HIVEP3: variants seen among roughly 807,000 people sequenced by gnomAD.
HIVEP3 encodes HIVEP zinc finger 3.
In HIVEP3, 49 loss-of-function variants were observed where a neutral mutation model predicts 152.8. That is an observed-to-expected ratio of 0.32 (90% CI 0.26 to 0.41). The LOEUF (loss-of-function observed/expected upper bound fraction) is 0.41. HIVEP3 is among the 10% of genes least tolerant of loss of function. The probability of loss-of-function intolerance (pLI) is 1.00; values close to 1 mark genes in which losing one functional copy is unlikely to be tolerated. For missense variants in HIVEP3, 2,790 were observed against 3,103.3 expected (o/e 0.90, Z 2.40); for synonymous variants, 1,269 against 1,289.0 (o/e 0.98, Z 0.33).
chr1:41,628,289 C>T (rs1286847606), intron 3 of HIVEP3, among the ~76,000 whole-genome samples: 1 of 152,172 alleles, frequency 6.6e-6, no homozygotes, highest in African/African-American at 2.4e-5. Flanking sequence ...GTCTCTAACT[C>T]CCGTGGTGCT....
Position 41,997,196 on chromosome 1 carries a change from G to C in HIVEP3, n.119+38611C>G, listed in dbSNP as rs80189737. Among the ~76,000 whole-genome samples the C allele has an allele frequency of 2.9e-3, 443 of 152,334 alleles. 1 individual carries two copies. The highest frequency in any genetic ancestry group is 0.01 in the African/African-American group (425 of 41,576). ...AGCATAGCATCATGTCCACAGTAAA[G>C]ACTGGTCAAAATTGTCACAGCCAGC... is the stretch of plus-strand genomic sequence containing the variant. On this transcript the variant is annotated intron_variant and non_coding_transcript_variant, in intron 1 of 3. Coordinates refer to the HIVEP3 transcript ENST00000489103.
At position 41,582,926 on chromosome 1, in the gene HIVEP3, C is replaced by G; in HGVS notation, c.1872G>C (p.Lys624Asn). 1 of 1,614,052 alleles carries G rather than the reference C, an allele frequency of 6.2e-7. No homozygotes were observed. The highest frequency in any genetic ancestry group is 8.5e-7 in the Non-Finnish European group (1 of 1,180,018). ...TGGTCTTTTTGGTAAGCTCGCTTTC[C>G]TTGGGTTCCACTTCGTCCGAGGGCT... ...ASKPSDEVEP[K>N]ESELTKKTKK... is the part of the protein sequence containing the mutation. The change falls in exon 4 of 9, where the codon AAG becomes AAC. Residue 624 changes from lysine to asparagine, a missense_variant. This residue lies in a region of HIVEP3 where 339 missense variants were observed against 327.0 expected (regional missense o/e 1.04). Coordinates refer to ENST00000372583, the MANE Select transcript of HIVEP3 (RefSeq NM_024503.5). This position sits in a 1 kb window ranked among gnomAD's most constrained non-coding sequence, Gnocchi z 4.7.
chr1:41,528,427 C>T (rs1209736141), intron 5 of HIVEP3, among the ~76,000 whole-genome samples: 1 of 139,290 alleles, frequency 7.2e-6, no homozygotes, highest in Admixed American at 7.1e-5. Context: ...TGCCCTCACA[C>T]CCTCAGACTC....
At chr1:41,757,528 C>T (rs12722771) in intron 1 of HIVEP3, among the ~76,000 whole-genome samples, 10 of 151,434 alleles carry the variant, frequency 6.6e-5, no homozygotes, top group Non-Finnish European at 1.2e-4. Flanking sequence ...CATGCCACTG[C>T]GCTCCAGCCT....
chr1:41,534,803 G>A (rs563717736), intron 5 of HIVEP3, among the ~76,000 whole-genome samples: 20 of 152,312 alleles, frequency 1.3e-4, no homozygotes, highest in African/African-American at 4.6e-4. Context: ...CAAAGGAGGC[G>A]GGACACAGGC....
Position 41,628,855 on chromosome 1 carries a change from C to T in HIVEP3, c.-628G>A. 8.1e-7 allele frequency: 1 copy of T among 1,232,134 alleles called. No homozygotes were observed. Among genetic ancestry groups the T allele is most frequent in the Non-Finnish European group, 1.0e-6 (1 of 987,968 alleles). 76.3% of individuals were successfully genotyped at this position (1,232,134 alleles called of 1,614,324 possible). A position where few individuals can be genotyped will look rare whatever the true frequency, so the allele number is the denominator to read the frequency against. ...GCAGCCACCCTCCACCTAGGCGCCG[C>T]TCTTCCCACCAGAGGGGCGGGCTTG... On this transcript the variant is annotated 5_prime_UTR_variant, in exon 3 of 9. Transcript: ENST00000372583.
intron 3 of HIVEP3, among the ~76,000 whole-genome samples, chr1:41,625,062 C>T (rs1199502908): frequency 7.0e-6 from 1 of 143,818 alleles, no homozygotes; most frequent in Admixed American, 7.4e-5. Context: ...ATTTGGGAGG[C>T]TGAGGCAGGA....
chr1:41,656,214 C>T (rs1008116141), intron 2 of HIVEP3, among the ~76,000 whole-genome samples: 3 of 152,090 alleles, frequency 2.0e-5, no homozygotes, highest in Non-Finnish European at 4.4e-5. Context: ...TGGTAAAATC[C>T]CCACAGCCCC....
chr1:41,701,811 A>C (rs966006407), intron 1 of HIVEP3, among the ~76,000 whole-genome samples: 3 of 152,216 alleles, frequency 2.0e-5, no homozygotes, highest in Non-Finnish European at 2.9e-5. Flanking sequence ...TTTGAGACAT[A>C]TTATTTATGT....
At chr1:41,587,791 A>AC (rs975330914) in intron 3 of HIVEP3, among the ~76,000 whole-genome samples, 5 of 151,804 alleles carry the variant, frequency 3.3e-5, no homozygotes, top group South Asian at 2.1e-4. Context: ...GTGCCTCTTG[A>AC]CCCCCCAGCC....
chr1:41,967,365 G>A (rs990472724), intron 1 of HIVEP3, among the ~76,000 whole-genome samples: 6 of 152,090 alleles, frequency 3.9e-5, no homozygotes, highest in South Asian at 2.1e-4. Context: ...AGATCATAGC[G>A]CCATCAAATT....
chr1:41,778,658 A>G (rs1648858516), intron 1 of HIVEP3, among the ~76,000 whole-genome samples: 1 of 152,170 alleles, frequency 6.6e-6, no homozygotes, highest in Non-Finnish European at 1.5e-5. Context: ...ATTGGGCAGG[A>G]CTATGAGCCA....
intron 1 of HIVEP3, among the ~76,000 whole-genome samples, chr1:41,815,756 T>G (rs907903506): frequency 2.2e-5 from 3 of 139,110 alleles, no homozygotes; most frequent in Admixed American, 9.4e-5. Flanking sequence ...TTTTATTGTT[T>G]TTTTTTTTTT....
chr1:41,809,059 T>A (rs1650795838), intron 1 of HIVEP3, among the ~76,000 whole-genome samples: 1 of 152,254 alleles, frequency 6.6e-6, no homozygotes, highest in Non-Finnish European at 1.5e-5. Flanking sequence ...GCCAGGTCTG[T>A]CTGCCTCTGG....
At chr1:41,824,188 G>A (rs1397239776) in intron 1 of HIVEP3, among the ~76,000 whole-genome samples, 3 of 151,996 alleles carry the variant, frequency 2.0e-5, no homozygotes, top group South Asian at 2.1e-4. Context: ...CTGGTCCCAG[G>A]ATACACCAAG....
At chr1:41,922,182 T>C (rs920342262), upstream of HIVEP3, among the ~76,000 whole-genome samples, 3 of 152,242 alleles carry the variant, frequency 2.0e-5, no homozygotes, top group African/African-American at 4.8e-5. Context: ...CACTTCCAGA[T>C]GTACTCTGAT....
chr1:41,657,228 G>A (rs958283734), intron 2 of HIVEP3, among the ~76,000 whole-genome samples: 2 of 152,184 alleles, frequency 1.3e-5, no homozygotes, highest in African/African-American at 2.4e-5. Flanking sequence ...TGACCCACAC[G>A]GTGGCCTCAG....
chr1:41,514,694 A>ACTT (rs1349710505), intron 7 of HIVEP3, among the ~76,000 whole-genome samples: 1 of 152,186 alleles, frequency 6.6e-6, no homozygotes, highest in African/African-American at 2.4e-5. Flanking sequence ...CTGAATGCCC[A>ACTT]CTTTTGTCCA....
Position 41,510,798 on chromosome 1 carries a change from T to C in HIVEP3, c.6874A>G (p.Thr2292Ala). ...GCAGGTGCCCCGGTCCCATGGGGTG[T>C]CCAGTCAGGAGGCCTGCCCGGGCCT... ...GGGPGRPPDW[T>A]PHGTGAPAEP... is the part of the protein sequence containing the mutation. The change falls in exon 9 of 9, where the codon ACA becomes GCA. Residue 2292 changes from threonine (T) to alanine (A), a missense_variant. Transcript: ENST00000372583. The C allele has an allele frequency of 6.2e-7, 1 of 1,611,174 alleles. No individual in the cohort carries two copies. Among genetic ancestry groups the C allele is most frequent in the Non-Finnish European group, 8.5e-7 (1 of 1,179,204 alleles).
Sources: allele counts gnomAD v4.1 joint callset (sites outside exome capture counted in the v4.1 genomes callset), GRCh38; gene constraint gnomAD v4.1.1; regional missense constraint gnomAD v4.1.1; non-coding constraint Gnocchi (gnomAD v3.1); transcripts MANE v1.5; gene names NCBI Gene and HGNC (gene_info 2026-07-23, HGNC 2026-07-21).